Variants in MYO1E observed in about 807,000 individuals in gnomAD.
MYO1E encodes the protein myosin IE, also known as unconventional myosin-Ie.
Under a neutral mutation model 151.1 loss-of-function variants are expected in MYO1E, and 68 were observed. That is an observed-to-expected ratio of 0.45 (90% CI 0.37 to 0.55). The LOEUF (loss-of-function observed/expected upper bound fraction) is 0.55. MYO1E is among the 20% of genes least tolerant of loss of function. MYO1E has a pLI of 0.00. For synonymous variants in MYO1E, 601 were observed against 501.7 expected (o/e 1.20, Z -2.64); for missense variants, 1,363 against 1,389.3 (o/e 0.98, Z 0.30).
intron 1 of MYO1E, among the ~76,000 whole-genome samples, chr15:59,279,168 T>G (rs557614782): frequency 6.6e-6 from 1 of 152,270 alleles, no homozygotes; most frequent in African/African-American, 2.4e-5. Context: ...TTTTCTCTGC[T>G]CTTTCTGCGA....
At chr15:59,186,256 C>T (rs1237751240) in intron 18 of MYO1E, among the ~76,000 whole-genome samples, 1 of 152,110 alleles carries the variant, frequency 6.6e-6, no homozygotes, top group Non-Finnish European at 1.5e-5. Flanking sequence ...AAATCATTAG[C>T]TCTTTTTTAA....
intron 14 of MYO1E, chr15:59,207,037 G>C (rs1363281521): frequency 6.2e-7 from 1 of 1,614,110 alleles, no homozygotes; most frequent in Non-Finnish European, 8.5e-7. Flanking sequence ...TCCGCGTCAA[G>C]CAACGCGCAT....
chr15:59,167,225 G>A (rs1413956257), intron 22 of MYO1E, among the ~76,000 whole-genome samples: 2 of 152,150 alleles, frequency 1.3e-5, no homozygotes, highest in Non-Finnish European at 1.5e-5. Context: ...TAAAAGCACC[G>A]TCTTACGGGT....
intron 4 of MYO1E, among the ~76,000 whole-genome samples, chr15:59,243,337 A>G (rs1441309893): frequency 1.3e-5 from 2 of 152,228 alleles, no homozygotes; most frequent in East Asian, 3.8e-4. Flanking sequence ...TGTGGCTATG[A>G]TAATTGGAGG....
chr15:59,269,253 G>A (rs1276900081), intron 2 of MYO1E, among the ~76,000 whole-genome samples: 1 of 152,102 alleles, frequency 6.6e-6, no homozygotes, highest in Non-Finnish European at 1.5e-5. Flanking sequence ...CCCTACAACA[G>A]CCTTATGTGG....
chr15:59,305,988 C>T (rs1163282641), intron 1 of MYO1E, among the ~76,000 whole-genome samples: 1 of 152,176 alleles, frequency 6.6e-6, no homozygotes, highest in African/African-American at 2.4e-5. Context: ...GAACTCCCTC[C>T]ATCCAGAATG....
At position 59,223,068 on chromosome 15, in the gene MYO1E, T is replaced by C. The variant is rs2079966072; in HGVS notation, c.901A>G (p.Ser301Gly). Residue 301 changes from serine to glycine, a missense_variant, in exon 9 of 28, where the codon AGT (serine) becomes GGT (glycine). Ser to Gly is a moderately conservative substitution (Grantham distance 56, BLOSUM62 0). Transcript: ENST00000288235. ...TGCCAGGGCTACGCACACTCTTCAC[T>C]CTCCACAGCCGCGTAGTTGCCAACT... ...KEVGNYAAVE[S>G]EEFLAFPAYL... 6.2e-7 allele frequency: 1 copy of C among 1,613,812 alleles called. No individual in the cohort carries two copies. Among genetic ancestry groups the C allele is most frequent in the Non-Finnish European group, 8.5e-7 (1 of 1,179,998 alleles).
At chr15:59,363,177 C>G (rs2080895204) in intron 1 of MYO1E, among the ~76,000 whole-genome samples, 1 of 152,046 alleles carries the variant, frequency 6.6e-6, no homozygotes, top group South Asian at 2.1e-4. Context: ...CGGGGTTTCA[C>G]CATGTTAGCC....
At chr15:59,182,954 C>T (rs1475989521) in intron 18 of MYO1E, among the ~76,000 whole-genome samples, 1 of 152,280 alleles carries the variant, frequency 6.6e-6, no homozygotes, top group Middle Eastern at 3.4e-3. Flanking sequence ...TCAAAAGGAG[C>T]GCACAAGCTA....
intron 1 of MYO1E, among the ~76,000 whole-genome samples, chr15:59,309,640 T>A (rs2080537452): frequency 6.6e-6 from 1 of 150,804 alleles, no homozygotes; most frequent in Non-Finnish European, 1.5e-5. Flanking sequence ...TAGCTGCCAT[T>A]CCCTGAGACA....
At chr15:59,295,009 T>C (rs2080440813) in intron 1 of MYO1E, among the ~76,000 whole-genome samples, 1 of 152,130 alleles carries the variant, frequency 6.6e-6, no homozygotes, top group Admixed American at 6.5e-5. Context: ...CACTGTTGGC[T>C]TATTTATATC....
intron 4 of MYO1E, among the ~76,000 whole-genome samples, chr15:59,251,202 G>C (rs1343156944): frequency 6.6e-6 from 1 of 152,104 alleles, no homozygotes; most frequent in Non-Finnish European, 1.5e-5. Flanking sequence ...CATGACCCAG[G>C]TGTTCCTCCT....
At chr15:59,234,273 G>GGTGC in intron 5 of MYO1E, among the ~76,000 whole-genome samples, 1 of 151,830 alleles carries the variant, frequency 6.6e-6, no homozygotes. Context: ...TGCATGGATG[G>GGTGC]ATGGATGCAC....
chr15:59,139,744 T>A (rs866802749), intron 26 of MYO1E, among the ~76,000 whole-genome samples: 22 of 150,774 alleles, frequency 1.5e-4, no homozygotes, highest in African/African-American at 2.2e-4. Flanking sequence ...TTATTACTCC[T>A]CAGACTTCCC....
intron 1 of MYO1E, among the ~76,000 whole-genome samples, chr15:59,292,966 C>T (rs1006063098): frequency 6.6e-5 from 10 of 152,126 alleles, no homozygotes; most frequent in African/African-American, 1.2e-4. Flanking sequence ...GGGGAGGCCT[C>T]GGCTCATAAA....
At chr15:59,368,638 T>C (rs2080927889) in intron 1 of MYO1E, among the ~76,000 whole-genome samples, 2 of 151,962 alleles carry the variant, frequency 1.3e-5, no homozygotes, top group Non-Finnish European at 2.9e-5. Flanking sequence ...CCCAGCTGCT[T>C]GGGAGGCTGA....
chr15:59,213,136 T>TTTATTATTATTA (rs147109664), intron 12 of MYO1E, among the ~76,000 whole-genome samples: 2 of 139,370 alleles, frequency 1.4e-5, no homozygotes, highest in Non-Finnish European at 1.5e-5. Context: ...GAACTATTTA[T>TTTATTATTATTA]TTATTATTAT....
intron 2 of MYO1E, among the ~76,000 whole-genome samples, chr15:59,269,785 G>A (rs553547904): frequency 4.6e-5 from 7 of 152,104 alleles, no homozygotes; most frequent in South Asian, 4.2e-4. Flanking sequence ...TCTGGGAGGC[G>A]AAGGTTGCAG....
At chr15:59,199,095 G>A (rs1687988234) in intron 16 of MYO1E, among the ~76,000 whole-genome samples, 2 of 152,018 alleles carry the variant, frequency 1.3e-5, no homozygotes, top group African/African-American at 4.8e-5. Flanking sequence ...TGGAATATTG[G>A]CATTATACTT....
Sources: gnomAD v4.1 joint callset for allele counts (sites outside exome capture counted in the v4.1 genomes callset) on GRCh38, gnomAD v4.1.1 for gene constraint, MANE v1.5 for transcripts, NCBI Gene and HGNC (gene_info 2026-07-23, HGNC 2026-07-21) for gene names.